Variants in ELOVL5 observed in about 807,000 individuals in gnomAD.
ELOVL5 encodes very long chain fatty acid elongase 5.
A neutral mutation model predicts 38.6 loss-of-function variants in ELOVL5; 8 were observed. The observed-to-expected ratio is 0.21, with a 90% confidence interval of 0.12 to 0.37. The LOEUF is 0.37. Ranked by LOEUF, ELOVL5 falls within the 10% of genes least tolerant of loss-of-function variation. The pLI is 1.00. For synonymous variants in ELOVL5, 127 were observed against 133.7 expected, an observed-to-expected ratio of 0.95 and a Z score of 0.34; for missense variants, 280 against 367.8, an observed-to-expected ratio of 0.76 and a Z score of 1.95.
At chr6:53,295,761 C>T (rs1210980969) in intron 1 of ELOVL5, 54 bp from the exon 2 acceptor site, 5 of 1,118,852 alleles carry the variant, frequency 4.5e-6, no homozygotes, top group Non-Finnish European at 6.3e-6. Flanking sequence ...GTTTTTTATA[C>T]AGTATTTTTT....
At chr6:53,306,526 T>G (rs189358183) in intron 1 of ELOVL5, among the ~76,000 whole-genome samples, 3 of 152,166 alleles carry the variant, frequency 2.0e-5, no homozygotes, top group Admixed American at 6.5e-5. Context: ...TATAGAACAT[T>G]TTTTCAGCAG....
chr6:53,284,491 A>G (rs982153240), intron 3 of ELOVL5, among the ~76,000 whole-genome samples: 3 of 152,226 alleles, frequency 2.0e-5, no homozygotes, highest in Admixed American at 6.5e-5. Context: ...AACAGAATGA[A>G]TAACTTTTGA....
intron 1 of ELOVL5, among the ~76,000 whole-genome samples, chr6:53,319,270 C>CAAAAAAAAAAAAAAAAAAAAAAAAAA: frequency 1.3e-5 from 1 of 74,890 alleles, no homozygotes; most frequent in Admixed American, 1.9e-4. Context: ...GACTCCATCT[C>CAAAAAAAAAAAAAAAAAAAAAAAAAA]AAAAAAAAAA....
chr6:53,335,733 G>T (rs1769035497), intron 1 of ELOVL5, among the ~76,000 whole-genome samples: 1 of 152,086 alleles, frequency 6.6e-6, no homozygotes, highest in Non-Finnish European at 1.5e-5. Flanking sequence ...GCTGCACATG[G>T]CCACCCAGAA....
chr6:53,267,684 G>T lies in ELOVL5; in HGVS notation c.*1443C>A, dbSNP rs1765787028. 6.6e-6 allele frequency: 1 copy of T among 152,618 alleles called. No individual in the cohort carries two copies. The highest frequency in any genetic ancestry group is 2.1e-4 in the South Asian group (1 of 4,832). 9.5% of individuals were successfully genotyped at this position (152,618 alleles called of 1,614,324 possible). A position where few individuals can be genotyped will look rare whatever the true frequency, so the allele number is the denominator to read the frequency against. ...CCAATAGGCTCCCTATAGTACGAAT[G>T]TGCAAAATTAAAGCATGGTAAACTG... On this transcript the variant is annotated 3_prime_UTR_variant, in exon 8 of 8. Coordinates refer to ENST00000304434, the MANE Select transcript of ELOVL5 (RefSeq NM_021814.5).
At chr6:53,304,440 T>C (rs557931448) in intron 1 of ELOVL5, among the ~76,000 whole-genome samples, 604 of 49,420 alleles carry the variant, frequency 0.012, 3 homozygotes, top group Non-Finnish European at 0.016. Flanking sequence ...ACACCTCTTT[T>C]ATTTTATTTT....
At chr6:53,310,476 T>A (rs1767784677) in intron 1 of ELOVL5, among the ~76,000 whole-genome samples, 1 of 152,148 alleles carries the variant, frequency 6.6e-6, no homozygotes, top group Non-Finnish European at 1.5e-5. Flanking sequence ...AATCAAAAAA[T>A]TTTCGGGCAC....
At position 53,327,117 on chromosome 6, in the gene ELOVL5, G is replaced by A. The variant is rs1581984716; in HGVS notation, c.-9+21700C>T. 2.0e-5 allele frequency among the ~76,000 whole-genome samples: 3 copies of A among 152,138 alleles called. No individual in the cohort carries two copies. The East Asian group carries it at 5.8e-4, about 29-fold the overall frequency. On this transcript the variant is annotated intron_variant, in intron 1 of 7. Transcript: ENST00000304434. ...AACAGGATATTCTGCTCCCTCTTCT[G>A]ACAAGTTTCTATCCACTCACTCCTC...
chr6:53,298,165 T>C (rs1186754308), intron 1 of ELOVL5, among the ~76,000 whole-genome samples: 1 of 152,188 alleles, frequency 6.6e-6, no homozygotes. Context: ...ATCTATGATG[T>C]ATGGTGGGCC....
chr6:53,295,222 G>A (rs1056338315), intron 2 of ELOVL5, among the ~76,000 whole-genome samples: 3 of 152,138 alleles, frequency 2.0e-5, no homozygotes, highest in African/African-American at 7.2e-5. Flanking sequence ...TAAGGTTCAG[G>A]TGCATATTTA....
intron 3 of ELOVL5, among the ~76,000 whole-genome samples, chr6:53,285,572 C>T (rs1766537625): frequency 6.6e-6 from 1 of 152,158 alleles, no homozygotes; most frequent in African/African-American, 2.4e-5. Context: ...TAAACTGTAG[C>T]ACATACCACT....
chr6:53,330,952 A>G (rs918498154), intron 1 of ELOVL5, among the ~76,000 whole-genome samples: 4 of 152,236 alleles, frequency 2.6e-5, no homozygotes, highest in Admixed American at 1.3e-4. Context: ...ACATGTGATA[A>G]CAATGTTTTC....
intron 4 of ELOVL5, among the ~76,000 whole-genome samples, chr6:53,275,866 G>T (rs1766093096): frequency 6.6e-6 from 1 of 152,160 alleles, no homozygotes; most frequent in Non-Finnish European, 1.5e-5. Flanking sequence ...GTACTTGGAT[G>T]AATGATTTTA....
intron 5 of ELOVL5, 24 bp from the exon 6 acceptor site, chr6:53,273,368 A>T (rs1246458728): frequency 2.5e-6 from 4 of 1,610,696 alleles, no homozygotes; most frequent in Non-Finnish European, 3.4e-6. Flanking sequence ...GGGATTTGGG[A>T]AGGAGAATGT....
At chr6:53,319,113 T>C (rs1300317774) in intron 1 of ELOVL5, among the ~76,000 whole-genome samples, 1 of 150,674 alleles carries the variant, frequency 6.6e-6, no homozygotes, top group Non-Finnish European at 1.5e-5. Flanking sequence ...CTACTAAAAA[T>C]ACAAAAAATT....
rs761396624 is a variant in ELOVL5 at position 53,348,892 on chromosome 6, G to A, written c.-84C>T. On this transcript the variant is annotated 5_prime_UTR_variant, in exon 1 of 8. Coordinates refer to ENST00000304434, the MANE Select transcript of ELOVL5 (RefSeq NM_021814.5). ...GGCGGAGGGAGCGCGGGTGGCAGCCGGCGCAGAGGCGGATGTAGAAGGAGA... is the reference window on the plus strand; with the variant it reads ...GGCGGAGGGAGCGCGGGTGGCAGCCAGCGCAGAGGCGGATGTAGAAGGAGA... The A allele has an allele frequency of 2.2e-6, 1 of 453,462 alleles. No individual in the cohort carries two copies. The highest frequency in any genetic ancestry group is 4.4e-6 in the Non-Finnish European group (1 of 225,680). 28.1% of individuals were successfully genotyped at this position (453,462 alleles called of 1,614,324 possible).
intron 1 of ELOVL5, among the ~76,000 whole-genome samples, chr6:53,329,049 T>G (rs1458967924): frequency 6.6e-6 from 1 of 152,218 alleles, no homozygotes; most frequent in East Asian, 1.9e-4. Context: ...ATAGAGCCTG[T>G]GGCATAAAAC....
At chr6:53,273,166 G>A (rs1561861959) in intron 6 of ELOVL5, 54 bp downstream of exon 6, 4 of 1,597,340 alleles carry the variant, frequency 2.5e-6, no homozygotes, top group African/African-American at 1.3e-5. Context: ...AAGCCAGGAA[G>A]AGGTCTGTAT....
At chr6:53,295,794 AAAG>A (rs1766972136) in intron 1 of ELOVL5, 87 bp from the exon 2 acceptor site, 2 of 827,782 alleles carry the variant, frequency 2.4e-6, no homozygotes, top group Non-Finnish European at 3.7e-6. Flanking sequence ...AATTCTTTTC[AAAG>A]AATATGCTAC....
Sources: allele counts gnomAD v4.1 joint callset (sites outside exome capture counted in the v4.1 genomes callset), GRCh38; gene constraint gnomAD v4.1.1; transcripts MANE v1.5; gene names NCBI Gene and HGNC (gene_info 2026-07-23, HGNC 2026-07-21).